The following ZNF267 variants were observed in gnomAD, a reference collection of about 807,000 sequenced individuals.
ZNF267 encodes zinc finger protein 267.
Under a neutral mutation model 71.6 loss-of-function variants are expected in ZNF267, and 61 were observed. That is an observed-to-expected ratio of 0.85 (90% CI 0.69 to 1.05). The LOEUF (loss-of-function observed/expected upper bound fraction) is 1.05, where lower values mean the gene tolerates loss of function less well. ZNF267 is among the 50% of genes least tolerant of loss of function. The pLI, the probability that ZNF267 is intolerant of heterozygous loss-of-function variation, is 0.00. For missense variants in ZNF267, 852 were observed against 870.0 expected (o/e 0.98, Z 0.26); for synonymous variants, 288 against 293.2 (o/e 0.98, Z 0.18).
At chr16:31,910,501 AC>A (rs2084127435) in intron 3 of ZNF267, among the ~76,000 whole-genome samples, 3 of 151,540 alleles carry the variant, frequency 2.0e-5, no homozygotes, top group Non-Finnish European at 2.9e-5. Context: ...CTGGGAACTT[AC>A]CCATTTTTGT....
chr16:31,913,149 C>T (rs948084977), intron 3 of ZNF267: 2 of 152,164 alleles, frequency 1.3e-5, no homozygotes, highest in Non-Finnish European at 2.9e-5. Flanking sequence ...GTTGGGAAGG[C>T]TTTCCAGAAT....
At chr16:31,906,672 C>T (rs927804606) in intron 3 of ZNF267, among the ~76,000 whole-genome samples, 1 of 152,166 alleles carries the variant, frequency 6.6e-6, no homozygotes, top group Admixed American at 6.5e-5. Flanking sequence ...CAGGTGCCGT[C>T]TGTCACCCCT....
intron 1 of ZNF267, 146 bp from the exon 2 acceptor site, chr16:31,884,352 G>T: frequency 1.0e-6 from 1 of 983,352 alleles, no homozygotes; most frequent in Non-Finnish European, 1.5e-6. Context: ...GACTACATTA[G>T]AAAATATTAC....
chr16:31,902,951 A>G (rs1005533439), intron 3 of ZNF267, among the ~76,000 whole-genome samples: 3 of 150,504 alleles, frequency 2.0e-5, no homozygotes, highest in African/African-American at 4.9e-5. Flanking sequence ...GCTCTTATCT[A>G]TGACGTCCCA....
chr16:31,909,607 TTGTA>T (rs2084120487), intron 3 of ZNF267, among the ~76,000 whole-genome samples: 1 of 152,246 alleles, frequency 6.6e-6, no homozygotes, highest in Non-Finnish European at 1.5e-5. Flanking sequence ...CTATTGATGT[TTGTA>T]TGTTCATTTT....
At position 31,915,803 on chromosome 16, in the gene ZNF267, TC is replaced by T; in HGVS notation, c.1555del (p.Leu519PhefsTer246). The T allele has an allele frequency of 2.5e-6, 4 of 1,612,678 alleles. No homozygotes were observed. The highest frequency in any genetic ancestry group is 3.4e-6 in the Non-Finnish European group (4 of 1,179,892). ...ATCGGAAAATTCATACTGGAGAAAA[TC>T]TTTACAAATGCAAAGTATGTGCTAA... The part of the protein sequence containing the change: ...QHRKIHTGEN[L>X]YKCKVCAKPF... On this transcript the variant is annotated frameshift_variant, in exon 4 of 4. Transcript: ENST00000300870. LOFTEE classifies it high-confidence loss of function.
In ZNF267 at chr16:31,915,094, A is replaced by C. The variant is rs1567239768; in HGVS notation, c.845A>C (p.His282Pro). Residue 282 changes from histidine to proline, a missense_variant, in exon 4 of 4, where the codon CAT becomes CCT. Transcript: ENST00000300870. ...CVEVCTQSLK[H>P]IQHQTIHIRE... The stretch of plus-strand genomic sequence containing the variant: ...GAAGTTTGTACCCAGTCATTAAAAC[A>C]TATTCAACATCAGACCATCCATATC... The C allele has an allele frequency of 6.2e-7, 1 of 1,613,696 alleles. No homozygotes were observed. The highest frequency in any genetic ancestry group is 8.5e-7 in the Non-Finnish European group (1 of 1,179,848).
chr16:31,881,804 T>C (rs913365283), intron 1 of ZNF267, among the ~76,000 whole-genome samples: 4 of 151,788 alleles, frequency 2.6e-5, no homozygotes, highest in Non-Finnish European at 5.9e-5. Context: ...GTAGCTGGGA[T>C]TATAGGTGTG....
At chr16:31,910,128 A>G (rs1190840889) in intron 3 of ZNF267, among the ~76,000 whole-genome samples, 2 of 152,296 alleles carry the variant, frequency 1.3e-5, no homozygotes, top group South Asian at 2.1e-4. Flanking sequence ...ATAATGAACA[A>G]TCTTTTAATG....
At chr16:31,874,093 A>G in intron 1 of ZNF267, 124 bp downstream of exon 1, 1 of 1,112,100 alleles carries the variant, frequency 9.0e-7, no homozygotes, top group East Asian at 2.5e-5. Flanking sequence ...CCCGAGTCCC[A>G]ACTGGTGCAG....
chr16:31,883,133 C>T (rs977520868), intron 1 of ZNF267, among the ~76,000 whole-genome samples: 4 of 151,932 alleles, frequency 2.6e-5, no homozygotes, highest in African/African-American at 7.2e-5. Context: ...AGAGAAAGAA[C>T]AAGAATTAAC....
chr16:31,915,239 C>T lies in ZNF267; in HGVS notation c.990C>T (p.Ser330=), dbSNP rs1461298000. 1.2e-6 allele frequency: 2 copies of T among 1,613,816 alleles called. No individual in the cohort carries two copies. Among genetic ancestry groups the T allele is most frequent in the Non-Finnish European group, 1.7e-6 (2 of 1,179,942 alleles). ...ACAAATGTGAAAAATGTGGGGATAG[C>T]TTAAACCATAGTTTGCACCTTACTC... ...KPYKCEKCGD[S]LNHSLHLTQH... Residue 330 remains serine, a synonymous_variant, in exon 4 of 4, where the codon AGC becomes AGT. Coordinates refer to ENST00000300870, the MANE Select transcript of ZNF267 (RefSeq NM_003414.6).
intron 3 of ZNF267, among the ~76,000 whole-genome samples, chr16:31,887,725 A>G (rs1156509339): frequency 6.6e-6 from 1 of 151,982 alleles, no homozygotes; most frequent in Non-Finnish European, 1.5e-5. Context: ...TTTGTATTCT[A>G]TTCCATTGGT....
At chr16:31,913,004 A>G (rs144716090) in intron 3 of ZNF267, 85 of 152,252 alleles carry the variant, frequency 5.6e-4, no homozygotes, top group African/African-American at 1.8e-3. Context: ...TTGGCCTCTT[A>G]TGCCTTATTC....
intron 3 of ZNF267, among the ~76,000 whole-genome samples, chr16:31,904,177 T>G (rs1434207913): frequency 6.6e-6 from 1 of 152,244 alleles, no homozygotes; most frequent in Non-Finnish European, 1.5e-5. Flanking sequence ...TCTGTTCTTT[T>G]ACATTTGCTG....
chr16:31,902,257 G>C (rs915082059), intron 3 of ZNF267, among the ~76,000 whole-genome samples: 1 of 152,144 alleles, frequency 6.6e-6, no homozygotes, highest in Non-Finnish European at 1.5e-5. Flanking sequence ...TTTTGGCTTA[G>C]GATTGTCTTG....
chr16:31,886,189 AC>A (rs1263810503), intron 3 of ZNF267, among the ~76,000 whole-genome samples: 3 of 152,210 alleles, frequency 2.0e-5, no homozygotes, highest in Non-Finnish European at 4.4e-5. Flanking sequence ...TTGTGTAATG[AC>A]TAACACAGCA....
At chr16:31,904,969 A>G (rs1002367174) in intron 3 of ZNF267, among the ~76,000 whole-genome samples, 1 of 152,116 alleles carries the variant, frequency 6.6e-6, no homozygotes, top group African/African-American at 2.4e-5. Flanking sequence ...GAGCTCTTGT[A>G]GGGCAGGCCT....
intron 3 of ZNF267, among the ~76,000 whole-genome samples, chr16:31,911,048 T>C (rs751981989): frequency 6.6e-6 from 1 of 151,600 alleles, no homozygotes; most frequent in Non-Finnish European, 1.5e-5. Context: ...TGGGCAGAGA[T>C]GTTTGATATT....
Sources: gnomAD v4.1 joint callset for allele counts (sites outside exome capture counted in the v4.1 genomes callset) on GRCh38, gnomAD v4.1.1 for gene constraint, MANE v1.5 for transcripts, NCBI Gene and HGNC (gene_info 2026-07-23, HGNC 2026-07-21) for gene names.